MACC1: variants seen among roughly 807,000 people sequenced by gnomAD.
MACC1 encodes metastasis-associated in colon cancer protein 1.
Under a neutral mutation model 70.7 loss-of-function variants are expected in MACC1, and 79 were observed. The observed-to-expected ratio is 1.12, with a 90% CI of 0.93 to 1.35. The LOEUF (loss-of-function observed/expected upper bound fraction) is 1.35, where lower values mean the gene tolerates loss of function less well. Among genes scored for constraint, MACC1 ranks in the 40% most tolerant of loss-of-function variants. The probability of loss-of-function intolerance (pLI) is 0.00; values close to 1 mark genes in which losing one functional copy is unlikely to be tolerated. For missense variants in MACC1, 1,106 were observed against 978.1 expected, an observed-to-expected ratio of 1.13 and a Z score of -1.74; for synonymous variants, 361 against 347.2, an observed-to-expected ratio of 1.04 and a Z score of -0.44.
chr7:20,158,703 T>C lies in MACC1; in HGVS notation c.1658A>G (p.Tyr553Cys), dbSNP rs776830563. ...TAGCACTGCCTTCAGGGTTACCCCA[T>C]AGTTGCTAAAGTTCAATGTTTTATC... ...FQDKTLNFSN[Y>C]GVTLKAVLRQ... Residue 553 changes from tyrosine to cysteine, a missense_variant, in exon 5 of 7, where the codon TAT becomes TGT. By Grantham distance (194) the Tyr-to-Cys change is radical (BLOSUM62 -2). Transcript: ENST00000400331. 6 of 1,613,898 alleles carry C rather than the reference T, an allele frequency of 3.7e-6. No homozygotes were observed. Among genetic ancestry groups the C allele is most frequent in the Admixed American group, 3.3e-5 (2 of 60,006 alleles).
chr7:20,145,427 G>C (rs1781875388), intron 6 of MACC1, among the ~76,000 whole-genome samples: 1 of 151,954 alleles, frequency 6.6e-6, no homozygotes, highest in Admixed American at 6.6e-5. Context: ...AAGGAAGAGA[G>C]ACAGAACCAG....
chr7:20,140,862 GAGACACACAC>G lies in MACC1; in HGVS notation c.*74_*83del, dbSNP rs1319387441. ...ACAGACACACACACACAGACACACA[GAGACACACAC>G]AGACACACACAGACACACACACACA... On this transcript the variant is annotated 3_prime_UTR_variant, in exon 7 of 7. Coordinates refer to ENST00000400331, the MANE Select transcript of MACC1 (RefSeq NM_182762.4). 391 of 930,726 alleles carry G rather than the reference GAGACACACAC, an allele frequency of 4.2e-4. 3 individuals are homozygous for G. In the African/African-American group the frequency reaches 5.6e-3, roughly 13 times the overall value. The allele number at this position is 930,726 out of a possible 1,614,324, so 57.7% of individuals were successfully genotyped here. A position where few individuals can be genotyped will look rare whatever the true frequency, so the allele number is the denominator to read the frequency against.
At chr7:20,208,827 C>T (rs529774346) in intron 1 of MACC1, among the ~76,000 whole-genome samples, 25 of 152,322 alleles carry the variant, frequency 1.6e-4, no homozygotes, top group African/African-American at 4.6e-4. Context: ...GAGGGAAAAA[C>T]GGTTTCGTGG....
rs3114461 is a variant in MACC1, at chr7:20,180,021, T to A, written c.-217-9243A>T. ...TATTTTTAGGAGAGATAAAAGAGTG[T>A]CAAAACCTGAAGCTGCTCATCTTGA... On this transcript the variant is annotated intron_variant, in intron 1 of 6. Transcript: ENST00000400331. 7.4e-3 allele frequency among the ~76,000 whole-genome samples: 1,126 copies of A among 152,078 alleles called. 27 individuals carry two copies. Among genetic ancestry groups the A allele is most frequent in the Admixed American group, 0.038 (582 of 15,282 alleles).
At chr7:20,176,237 A>G (rs1019367532) in intron 1 of MACC1, among the ~76,000 whole-genome samples, 1 of 152,140 alleles carries the variant, frequency 6.6e-6, no homozygotes, top group African/African-American at 2.4e-5. Flanking sequence ...TACATAAAAC[A>G]TCATGTTGCG....
intron 1 of MACC1, among the ~76,000 whole-genome samples, chr7:20,174,170 T>C (rs1429331364): frequency 3.3e-5 from 5 of 152,172 alleles, no homozygotes; most frequent in Non-Finnish European, 5.9e-5. Context: ...ATTGGTGTAA[T>C]TATTAAAATT....
chr7:20,143,505 C>T (rs756935976), intron 6 of MACC1, among the ~76,000 whole-genome samples: 2 of 152,222 alleles, frequency 1.3e-5, no homozygotes, highest in Non-Finnish European at 2.9e-5. Flanking sequence ...TCTCCTGCCT[C>T]AGCCTCCCAA....
intron 6 of MACC1, among the ~76,000 whole-genome samples, chr7:20,142,909 T>A (rs1307630996): frequency 4.6e-5 from 7 of 152,238 alleles, no homozygotes; most frequent in Admixed American, 3.3e-4. Context: ...CTGTTCTAAG[T>A]CTGCTAGTGA....
At chr7:20,153,407 A>G (rs540038157) in intron 6 of MACC1, 4 of 152,358 alleles carry the variant, frequency 2.6e-5, no homozygotes, top group Admixed American at 6.5e-5. Context: ...TAGAGAGAAG[A>G]TTTCCTTAAA....
chr7:20,162,665 A>G (rs1260579225), intron 3 of MACC1, among the ~76,000 whole-genome samples: 1 of 152,142 alleles, frequency 6.6e-6, no homozygotes, highest in East Asian at 1.9e-4. Context: ...CAGGTGGCCA[A>G]ACAGAGTGGT....
chr7:20,148,039 T>TGTGTCA, intron 6 of MACC1, among the ~76,000 whole-genome samples: 1 of 152,158 alleles, frequency 6.6e-6, no homozygotes, highest in Non-Finnish European at 1.5e-5. Context: ...AATGAAAAAA[T>TGTGTCA]ACAGTGTCAA....
At chr7:20,207,994 C>T (rs779795004) in intron 1 of MACC1, among the ~76,000 whole-genome samples, 4 of 152,134 alleles carry the variant, frequency 2.6e-5, no homozygotes, top group African/African-American at 4.8e-5. Context: ...CAGTGAGTGA[C>T]TTCTCATGAG....
intron 1 of MACC1, among the ~76,000 whole-genome samples, chr7:20,194,267 A>G (rs1363495537): frequency 6.6e-6 from 1 of 152,150 alleles, no homozygotes; most frequent in East Asian, 1.9e-4. Context: ...ATAAAATTTT[A>G]AGCAATAAAA....
chr7:20,212,861 G>A (rs905310541), intron 1 of MACC1, among the ~76,000 whole-genome samples: 5 of 151,996 alleles, frequency 3.3e-5, no homozygotes, highest in African/African-American at 1.2e-4. Context: ...GGGAGTTCTG[G>A]CCCAGGGAGT....
chr7:20,210,406 G>A lies in MACC1; in HGVS notation c.-218+6893C>T, dbSNP rs552660092. 1.2e-4 allele frequency among the ~76,000 whole-genome samples: 18 copies of A among 152,156 alleles called. 1 individual carries two copies. Among genetic ancestry groups the A allele is most frequent in the South Asian group, 6.2e-4 (3 of 4,814 alleles). On this transcript the variant is annotated intron_variant, in intron 1 of 6. Coordinates refer to ENST00000400331, the MANE Select transcript of MACC1 (RefSeq NM_182762.4). The stretch of plus-strand genomic sequence containing the variant: ...GCATAGTTCTCACATTGTATTATAC[G>A]TTTTATGTATGTATTTGTCACTTTC...
chr7:20,161,428 A>G (rs1782137425), intron 4 of MACC1, among the ~76,000 whole-genome samples: 1 of 151,974 alleles, frequency 6.6e-6, no homozygotes, highest in African/African-American at 2.4e-5. Flanking sequence ...TCCTCTGAGG[A>G]TCAGGTTAAT....
At chr7:20,212,717 G>A (rs2128109683) in intron 1 of MACC1, among the ~76,000 whole-genome samples, 1 of 151,970 alleles carries the variant, frequency 6.6e-6, no homozygotes, top group South Asian at 2.1e-4. Flanking sequence ...AATCACCTGA[G>A]ATACAAAGCT....
rs750448853 is a variant in MACC1 at position 20,158,419 on chromosome 7, A to T, written c.1942T>A (p.Tyr648Asn). 1 of 1,613,908 alleles carries T rather than the reference A, an allele frequency of 6.2e-7. No individual in the cohort carries two copies. The highest frequency in any genetic ancestry group is 8.5e-7 in the Non-Finnish European group (1 of 1,179,966). ...QIVLPLKKLT[Y>N]IYSVVLTLVS... ...AAGGTTAATACAACTGAGTAGATAT[A>T]AGTCAATTTTTTTAAAGGCAGGACA... The change falls in exon 5 of 7, where the codon TAT becomes AAT. Residue 648 changes from tyrosine (Y) to asparagine (N), a missense_variant. Coordinates refer to ENST00000400331, the MANE Select transcript of MACC1 (RefSeq NM_182762.4).
chr7:20,163,449 T>C (rs1218822679), intron 3 of MACC1, among the ~76,000 whole-genome samples: 1 of 152,230 alleles, frequency 6.6e-6, no homozygotes, highest in Non-Finnish European at 1.5e-5. Flanking sequence ...CAGATGTGCA[T>C]CAAAGAGATA....
Sources: allele counts gnomAD v4.1 joint callset (sites outside exome capture counted in the v4.1 genomes callset), GRCh38; gene constraint gnomAD v4.1.1; transcripts MANE v1.5; gene names NCBI Gene and HGNC (gene_info 2026-07-23, HGNC 2026-07-21).